Variants in PRKD1 observed in about 807,000 individuals in gnomAD.
PRKD1 encodes serine/threonine-protein kinase D1.
PRKD1 carries 63 observed loss-of-function variants against 95.9 expected under a neutral mutation model. That is an observed-to-expected ratio of 0.66 (90% CI 0.54 to 0.81). The LOEUF (loss-of-function observed/expected upper bound fraction) is 0.81. Ranked by LOEUF, PRKD1 falls within the 30% of genes least tolerant of loss-of-function variation. The pLI, the probability that PRKD1 is intolerant of heterozygous loss-of-function variation, is 0.00. For synonymous variants in PRKD1, 425 were observed against 423.1 expected (o/e 1.00, Z -0.05); for missense variants, 1,048 against 1,165.3 (o/e 0.90, Z 1.47).
rs532413346 is a variant in PRKD1, at chr14:29,772,013, G to T, written c.265-46339C>A. 2.0e-5 allele frequency among the ~76,000 whole-genome samples: 3 copies of T among 152,320 alleles called. No homozygotes were observed. In the South Asian group the frequency reaches 6.2e-4, roughly 32 times the overall value. ...GTTTGATTTCACAGGCTCACAACTG[G>T]AGAGAAATTTGCCTCAGGGCGAATC... On this transcript the variant is annotated intron_variant, in intron 1 of 17. Transcript: ENST00000331968.
intron 12 of PRKD1, among the ~76,000 whole-genome samples, chr14:29,624,680 A>G (rs1158505043): frequency 6.6e-6 from 1 of 152,142 alleles, no homozygotes; most frequent in Non-Finnish European, 1.5e-5. Context: ...TCTGTCACTT[A>G]TTAGCTCTGT....
chr14:29,865,445 C>T (rs1240960885), intron 1 of PRKD1, among the ~76,000 whole-genome samples: 1 of 152,184 alleles, frequency 6.6e-6, no homozygotes, highest in African/African-American at 2.4e-5. Context: ...TGAAGTGATT[C>T]ATCCTTGAGG....
intron 13 of PRKD1, among the ~76,000 whole-genome samples, chr14:29,609,080 T>C (rs964682527): frequency 1.3e-5 from 2 of 152,194 alleles, no homozygotes; most frequent in Non-Finnish European, 2.9e-5. Context: ...TGATCAAATA[T>C]AACTCACTGG....
At chr14:29,850,896 T>TA (rs60982997) in intron 1 of PRKD1, among the ~76,000 whole-genome samples, 18,252 of 140,046 alleles carry the variant, frequency 0.13, 1,292 homozygotes, top group East Asian at 0.27. Context: ...AAAAAAAAAT[T>TA]AAAAAAAAAA....
At chr14:29,745,455 G>A (rs957941117) in intron 1 of PRKD1, among the ~76,000 whole-genome samples, 6 of 152,012 alleles carry the variant, frequency 3.9e-5, no homozygotes, top group Non-Finnish European at 8.8e-5. Flanking sequence ...AAGTATTAAG[G>A]GAATTAGTTA....
chr14:29,634,642 C>A, intron 7 of PRKD1, 101 bp from the exon 8 acceptor site: 1 of 1,437,304 alleles, frequency 7.0e-7, no homozygotes, highest in Non-Finnish European at 9.7e-7. Flanking sequence ...TGAAACTTTA[C>A]AAAATTCACA....
At chr14:29,580,647 C>T (rs899399067) in intron 16 of PRKD1, among the ~76,000 whole-genome samples, 7 of 152,012 alleles carry the variant, frequency 4.6e-5, no homozygotes, top group Admixed American at 3.3e-4. Context: ...TTAAAATATC[C>T]TTTTTATTAA....
At chr14:29,630,561 A>C in intron 10 of PRKD1, 181 bp downstream of exon 10, 1 of 691,380 alleles carries the variant, frequency 1.4e-6, no homozygotes, top group Non-Finnish European at 2.3e-6. Context: ...TAATTTAACA[A>C]ACTAAACATC....
chr14:29,676,176 C>CTTTTTTTTTTT (rs1566532166), intron 2 of PRKD1, among the ~76,000 whole-genome samples: 2 of 62,242 alleles, frequency 3.2e-5, no homozygotes, highest in African/African-American at 1.8e-4. Context: ...TAGTTCATTA[C>CTTTTTTTTTTT]GTTTTTGTTT....
At chr14:29,727,034 G>A (rs544400637) in intron 1 of PRKD1, among the ~76,000 whole-genome samples, 354 of 152,138 alleles carry the variant, frequency 2.3e-3, no homozygotes, top group Admixed American at 7.1e-3. Context: ...AAGTGCTCCT[G>A]TTTCTCCACA....
chr14:29,864,646 T>A (rs960955459), intron 1 of PRKD1, among the ~76,000 whole-genome samples: 5 of 151,938 alleles, frequency 3.3e-5, no homozygotes, highest in African/African-American at 1.2e-4. Context: ...AGAATGTGAG[T>A]ATGAGTGAGA....
chr14:29,846,588 A>T (rs1240346659), intron 1 of PRKD1, among the ~76,000 whole-genome samples: 1 of 152,184 alleles, frequency 6.6e-6, no homozygotes, highest in Non-Finnish European at 1.5e-5. Context: ...GGGCCAGGTT[A>T]AGTGTGTTTG....
chr14:29,781,318 C>A (rs578134244), intron 1 of PRKD1, among the ~76,000 whole-genome samples: 2 of 152,154 alleles, frequency 1.3e-5, no homozygotes, highest in South Asian at 4.2e-4. Flanking sequence ...CTTGAGAGGA[C>A]TGGAAACCAA....
chr14:29,806,904 A>G (rs1261476564), intron 1 of PRKD1, among the ~76,000 whole-genome samples: 1 of 152,150 alleles, frequency 6.6e-6, no homozygotes, highest in Admixed American at 6.5e-5. Flanking sequence ...AATAAAACCA[A>G]TAAAACCATA....
chr14:29,695,023 A>G (rs545195264), intron 2 of PRKD1, among the ~76,000 whole-genome samples: 2 of 152,280 alleles, frequency 1.3e-5, no homozygotes, highest in East Asian at 3.9e-4. Flanking sequence ...ACCTGAGTAC[A>G]GGAGTTTAAG....
intron 4 of PRKD1, among the ~76,000 whole-genome samples, chr14:29,644,984 T>C (rs935671306): frequency 4.6e-5 from 7 of 152,136 alleles, no homozygotes; most frequent in Admixed American, 3.3e-4. Context: ...AGAAACTGAG[T>C]TACTGAGAGA....
chr14:29,717,133 T>C (rs746823085), intron 2 of PRKD1, among the ~76,000 whole-genome samples: 2 of 152,180 alleles, frequency 1.3e-5, no homozygotes, highest in Admixed American at 6.5e-5. Flanking sequence ...ATTATTCATG[T>C]ATTTGCTGGC....
At chr14:29,863,677 A>G in intron 1 of PRKD1, among the ~76,000 whole-genome samples, 1 of 152,276 alleles carries the variant, frequency 6.6e-6, no homozygotes, top group Non-Finnish European at 1.5e-5. Context: ...ATAATGAAAA[A>G]TTAACCAAAG....
chr14:29,781,875 T>C (rs748471859), intron 1 of PRKD1, among the ~76,000 whole-genome samples: 9 of 152,218 alleles, frequency 5.9e-5, no homozygotes, highest in Non-Finnish European at 1.3e-4. Context: ...GTATCATTTG[T>C]GAATTCTTTA....
Sources: allele counts gnomAD v4.1 joint callset (sites outside exome capture counted in the v4.1 genomes callset), GRCh38; gene constraint gnomAD v4.1.1; transcripts MANE v1.5; gene names NCBI Gene and HGNC (gene_info 2026-07-23, HGNC 2026-07-21).